NAP1L1: variants seen among roughly 807,000 people sequenced by gnomAD.
NAP1L1 encodes nucleosome assembly protein 1-like 1.
In NAP1L1, 9 loss-of-function variants were observed where a neutral mutation model predicts 58.9. That is an observed-to-expected ratio of 0.15 (90% CI 0.09 to 0.27). NAP1L1 has a LOEUF of 0.27. Ranked by LOEUF, NAP1L1 falls within the 10% of genes least tolerant of loss-of-function variation. The pLI is 1.00. For synonymous variants in NAP1L1, 130 were observed against 138.3 expected (o/e 0.94, Z 0.42); for missense variants, 302 against 458.8 (o/e 0.66, Z 3.12).
rs1170158472 is a variant in NAP1L1, at chr12:76,036,684, T to G, written c.*11745A>C. ...AGAAACTCATGACAATGATCATTATTAAAGATTTGGATAGACCAAAGGTCA... is the reference window on the plus strand; with the variant it reads ...AGAAACTCATGACAATGATCATTATGAAAGATTTGGATAGACCAAAGGTCA... On this transcript the variant is annotated 3_prime_UTR_variant, in exon 15 of 15. Coordinates refer to ENST00000618691, the MANE Select transcript of NAP1L1 (RefSeq NM_004537.7). The G allele has an allele frequency of 6.6e-6, 1 of 152,250 alleles. No individual in the cohort carries two copies. The highest frequency in any genetic ancestry group is 2.4e-5 in the African/African-American group (1 of 41,470). 9.4% of individuals were successfully genotyped at this position (152,250 alleles called of 1,614,324 possible).
rs1024577468 is a variant in NAP1L1, at chr12:76,039,677, A to C, written c.*8752T>G. ...GACAGAAATATCTACAAGGCAGTGC[A>C]AAGTGTAGGGCCATCCAAATGCTGG... On this transcript the variant is annotated 3_prime_UTR_variant, in exon 15 of 15. Coordinates refer to ENST00000618691, the MANE Select transcript of NAP1L1 (RefSeq NM_004537.7). 4 of 152,270 alleles carry C rather than the reference A, an allele frequency of 2.6e-5. No individual in the cohort carries two copies. Among genetic ancestry groups the C allele is most frequent in the Non-Finnish European group, 5.9e-5 (4 of 68,048 alleles). 9.4% of individuals were successfully genotyped at this position (152,270 alleles called of 1,614,324 possible).
In NAP1L1 at chr12:76,074,327, A is replaced by G. The variant is rs148644954; in HGVS notation, c.-20-88T>C. 1.9e-3 allele frequency: 2,590 copies of G among 1,390,022 alleles called. 38 individuals carry two copies. The African/African-American group carries it at 0.035, about 19-fold the overall frequency. 86.1% of individuals were successfully genotyped at this position (1,390,022 alleles called of 1,614,324 possible). On this transcript the variant is annotated intron_variant, in intron 1 of 14. Coordinates refer to ENST00000618691, the MANE Select transcript of NAP1L1 (RefSeq NM_004537.7). ...CCAAAACCCTTTAAATCAATACCAT[A>G]CTGAAAACTATCCCAAGAAATGTCT... is the stretch of plus-strand genomic sequence containing the variant.
Position 76,040,367 on chromosome 12 carries a change from A to G in NAP1L1, c.*8062T>C, listed in dbSNP as rs1948541049. ...ACTCTTGAATATCAAATTTGAACTA[A>G]GAGGGTCCACTTACAGGTTTACTTC... On this transcript the variant is annotated 3_prime_UTR_variant, in exon 15 of 15. Coordinates refer to ENST00000618691, the MANE Select transcript of NAP1L1 (RefSeq NM_004537.7). The G allele has an allele frequency of 6.6e-6, 1 of 152,162 alleles. No homozygotes were observed. Among genetic ancestry groups the G allele is most frequent in the Non-Finnish European group, 1.5e-5 (1 of 68,046 alleles). 9.4% of individuals were successfully genotyped at this position (152,162 alleles called of 1,614,324 possible). A position where few individuals can be genotyped will look rare whatever the true frequency, so the allele number is the denominator to read the frequency against.
chr12:76,075,300 G>C (rs1455054794), intron 1 of NAP1L1, among the ~76,000 whole-genome samples: 1 of 152,070 alleles, frequency 6.6e-6, no homozygotes, highest in Non-Finnish European at 1.5e-5. Flanking sequence ...AATACAGCAA[G>C]ACCCTGTCTC....
chr12:76,074,723 G>T (rs1290803210), intron 1 of NAP1L1, among the ~76,000 whole-genome samples: 2 of 152,140 alleles, frequency 1.3e-5, no homozygotes, highest in Non-Finnish European at 2.9e-5. Flanking sequence ...AAAATCTGAT[G>T]CCTACTGTAC....
At chr12:76,057,395 GA>G in intron 6 of NAP1L1, 2 of 453,054 alleles carry the variant, frequency 4.4e-6, no homozygotes, top group South Asian at 4.5e-5. Context: ...TTACAAAAAG[GA>G]AAAATATTTC....
At chr12:76,072,454 T>A (rs749685612) in intron 2 of NAP1L1, among the ~76,000 whole-genome samples, 2 of 152,050 alleles carry the variant, frequency 1.3e-5, no homozygotes, top group Non-Finnish European at 2.9e-5. Context: ...CAAAAGGTCA[T>A]GAGAGCAATC....
chr12:76,048,901 T>G (rs1281060942), intron 14 of NAP1L1: 1 of 446,154 alleles, frequency 2.2e-6, no homozygotes, highest in Non-Finnish European at 3.9e-6. Context: ...TAAAAACCTT[T>G]ATTTTCTAAT....
At chr12:76,055,666 TTC>T (rs925881721) in intron 7 of NAP1L1, among the ~76,000 whole-genome samples, 2 of 152,232 alleles carry the variant, frequency 1.3e-5, no homozygotes, top group African/African-American at 2.4e-5. Flanking sequence ...CTTTATGGTA[TTC>T]TTTTAAAATG....
chr12:76,083,958 G>C (rs111353603), intron 1 of NAP1L1: 20 of 152,228 alleles, frequency 1.3e-4, no homozygotes, highest in Non-Finnish European at 2.8e-4. Flanking sequence ...GAAGCCGCCG[G>C]GGGTTTCCCC....
At position 76,068,945 on chromosome 12, in the gene NAP1L1, C is replaced by T; in HGVS notation, c.67G>A (p.Glu23Lys). 6.2e-7 allele frequency: 1 copy of T among 1,613,380 alleles called. No individual in the cohort carries two copies. Among genetic ancestry groups the T allele is most frequent in the Middle Eastern group, 1.7e-4 (1 of 6,050 alleles). ...GTTTCTTCACCAGTTTCCTCTTCTT[C>T]TACTTCTTCAACATCATCCAAATCT... ...DQDLDDVEEV[E>K]EEETGEETKL... is the part of the protein sequence containing the mutation. Residue 23 changes from glutamate to lysine, a missense_variant, in exon 3 of 15, where the codon GAA becomes AAA. Physicochemically the swap from Glu to Lys is moderately conservative, Grantham distance 56 (BLOSUM62 1). Coordinates refer to ENST00000618691, the MANE Select transcript of NAP1L1 (RefSeq NM_004537.7).
At position 76,048,117 on chromosome 12, in the gene NAP1L1, G is replaced by T; in HGVS notation, c.*312C>A. On this transcript the variant is annotated 3_prime_UTR_variant, in exon 15 of 15. Transcript: ENST00000618691. ...AAAAAATTACAAAAAAAAAAAAAAG[G>T]TATTTCCTTTAACAGTTGTTAATTT... 4 of 307,338 alleles carry T rather than the reference G, an allele frequency of 1.3e-5. No homozygotes were observed. The highest frequency in any genetic ancestry group is 1.8e-5 in the Non-Finnish European group (3 of 168,850). 19.0% of individuals were successfully genotyped at this position (307,338 alleles called of 1,614,324 possible).
rs1262729944 is a variant in NAP1L1 at position 76,043,588 on chromosome 12, A to G, written c.*4841T>C. 5.3e-5 allele frequency: 8 copies of G among 151,972 alleles called. No individual in the cohort carries two copies. The highest frequency in any genetic ancestry group is 5.2e-4 in the Admixed American group (8 of 15,248). 9.4% of individuals were successfully genotyped at this position (151,972 alleles called of 1,614,324 possible). ...TTTTAAACCCATTAAGAGGACTTCCACAGCTAAACTTTCTATGGACTGGCC... is the reference window on the plus strand; with the variant it reads ...TTTTAAACCCATTAAGAGGACTTCCGCAGCTAAACTTTCTATGGACTGGCC... On this transcript the variant is annotated 3_prime_UTR_variant, in exon 15 of 15. Transcript: ENST00000618691.
At chr12:76,055,178 T>A in intron 7 of NAP1L1, 88 bp from the exon 8 acceptor site, 1 of 858,020 alleles carries the variant, frequency 1.2e-6, no homozygotes, top group East Asian at 2.7e-5. Context: ...GACTGAGACA[T>A]AATATATTTC....
intron 4 of NAP1L1, among the ~76,000 whole-genome samples, chr12:76,067,014 A>T (rs1356318539): frequency 6.6e-6 from 1 of 152,148 alleles, no homozygotes; most frequent in South Asian, 2.1e-4. Flanking sequence ...AAAGTTTTTT[A>T]AATGTGTAAG....
chr12:76,060,980 C>T, intron 4 of NAP1L1: 1 of 380,544 alleles, frequency 2.6e-6, no homozygotes, highest in Non-Finnish European at 5.2e-6. Flanking sequence ...GTGGTCCCAG[C>T]CACTTGGAAG....
At chr12:76,059,750 T>C in intron 6 of NAP1L1, 48 bp downstream of exon 6, 2 of 1,307,740 alleles carry the variant, frequency 1.5e-6, no homozygotes, top group Non-Finnish European at 2.2e-6. Flanking sequence ...TGACAAGTCC[T>C]AAGATTTTAT....
chr12:76,053,674 A>G, intron 9 of NAP1L1, 96 bp downstream of exon 9: 1 of 1,390,018 alleles, frequency 7.2e-7, no homozygotes, highest in Non-Finnish European at 9.8e-7. Context: ...TCAGAGACAG[A>G]CTATGTACAT....
intron 4 of NAP1L1, among the ~76,000 whole-genome samples, chr12:76,063,395 A>C (rs2137029767): frequency 1.3e-5 from 2 of 152,352 alleles, no homozygotes; most frequent in Middle Eastern, 6.8e-3. Context: ...TGGGAAGCAG[A>C]AAAGAAGGAA....
Sources: allele counts gnomAD v4.1 joint callset (sites outside exome capture counted in the v4.1 genomes callset), GRCh38; gene constraint gnomAD v4.1.1; transcripts MANE v1.5; gene names NCBI Gene and HGNC (gene_info 2026-07-23, HGNC 2026-07-21).